The following GDPD4 variants were observed in gnomAD, a reference collection of about 807,000 sequenced individuals.
GDPD4 encodes glycerophosphodiester phosphodiesterase domain containing 4, also known as glycerophosphodiester phosphodiesterase 6.
A neutral mutation model predicts 67.8 loss-of-function variants in GDPD4; 60 were observed. The observed-to-expected ratio is 0.88, with a 90% CI of 0.72 to 1.10. GDPD4 has a LOEUF of 1.10. GDPD4 is among the 50% of genes least tolerant of loss of function. GDPD4 has a pLI of 0.00. For synonymous variants in GDPD4, 212 were observed against 210.9 expected (o/e 1.00, Z -0.04); for missense variants, 623 against 613.9 (o/e 1.01, Z -0.16).
chr11:77,223,497 G>C (rs1006095987), intron 16 of GDPD4, among the ~76,000 whole-genome samples: 1 of 152,104 alleles, frequency 6.6e-6, no homozygotes, highest in Non-Finnish European at 1.5e-5. Context: ...TCCAGACCCT[G>C]TTTGCCTGGG....
chr11:77,277,384 A>C (rs1283780140), intron 4 of GDPD4, among the ~76,000 whole-genome samples: 2 of 74,260 alleles, frequency 2.7e-5, no homozygotes, highest in Non-Finnish European at 6.4e-5. Context: ...CTTTTCAGCC[A>C]TGTTTCCTTT....
chr11:77,296,892 A>G (rs1937986360), intron 1 of GDPD4, among the ~76,000 whole-genome samples: 1 of 150,804 alleles, frequency 6.6e-6, no homozygotes, highest in Non-Finnish European at 1.5e-5. Context: ...CGTCTCTACT[A>G]AAAATACAAA....
Position 77,258,556 on chromosome 11 carries a change from A to G in GDPD4, c.708-14T>C, listed in dbSNP as rs771844771. The G allele has an allele frequency of 6.2e-7, 1 of 1,613,412 alleles. No homozygotes were observed. Among genetic ancestry groups the G allele is most frequent in the Non-Finnish European group, 8.5e-7 (1 of 1,179,392 alleles). On this transcript the variant is annotated splice_polypyrimidine_tract_variant and intron_variant, in intron 10 of 16. Coordinates refer to ENST00000315938, the MANE Select transcript of GDPD4 (RefSeq NM_182833.3). ...ACATGATCATAACTGAGGCAGAGGT[A>G]GAAAAGAAGGGCAGGGGTAGATAGG...
rs1407199482 is a variant in GDPD4 at position 77,269,870 on chromosome 11, C to A, written c.478+13G>T. 2 of 1,469,194 alleles carry A rather than the reference C, an allele frequency of 1.4e-6. No homozygotes were observed. The highest frequency in any genetic ancestry group is 1.9e-6 in the Non-Finnish European group (2 of 1,064,556). 91.0% of individuals were successfully genotyped at this position (1,469,194 alleles called of 1,614,324 possible). A position where few individuals can be genotyped will look rare whatever the true frequency, so the allele number is the denominator to read the frequency against. On this transcript the variant is annotated intron_variant, in intron 8 of 16. Transcript: ENST00000315938. ...GCTTTAGTGACTTTCAAATCTCAGT[C>A]TCCAGCTCTAACCTCTTAACCTTGT...
At position 77,245,341 on chromosome 11, in the gene GDPD4, T is replaced by C. The variant is rs1958759411; in HGVS notation, c.1026A>G (p.Arg342=). The change falls in exon 12 of 17, where the codon AGA becomes AGG. Residue 342 remains arginine (R), a synonymous_variant. Coordinates refer to ENST00000315938, the MANE Select transcript of GDPD4 (RefSeq NM_182833.3). ...LHRPPPKHPL[R]HTFVRQVVSV... ...TTACTACTTGGCGGACAAATGTGTG[T>C]CTGAGAGGATGTTTTGGTGGAGGGC... 6.2e-7 allele frequency: 1 copy of C among 1,614,186 alleles called. No individual in the cohort carries two copies. The highest frequency in any genetic ancestry group is 8.5e-7 in the Non-Finnish European group (1 of 1,180,036).
chr11:77,293,656 T>G (rs1177590765), intron 1 of GDPD4, among the ~76,000 whole-genome samples: 6 of 151,544 alleles, frequency 4.0e-5, no homozygotes, highest in Admixed American at 1.3e-4. Flanking sequence ...GCCATCTAAA[T>G]AGATACATAA....
chr11:77,241,039 G>C (rs1157159267), intron 13 of GDPD4, among the ~76,000 whole-genome samples: 1 of 152,120 alleles, frequency 6.6e-6, no homozygotes, highest in Non-Finnish European at 1.5e-5. Context: ...ACTAAAAATA[G>C]AACTAACATA....
chr11:77,273,792 T>G (rs1231885982), intron 5 of GDPD4, among the ~76,000 whole-genome samples: 1 of 152,182 alleles, frequency 6.6e-6, no homozygotes, highest in East Asian at 1.9e-4. Flanking sequence ...AAAAGATTTA[T>G]TAAGAAAAGG....
At chr11:77,276,361 T>C in intron 4 of GDPD4, 141 bp from the exon 5 acceptor site, 1 of 691,486 alleles carries the variant, frequency 1.4e-6, no homozygotes, top group Non-Finnish European at 2.6e-6. Context: ...ATTTAGCCTC[T>C]GGGAGTTTTC....
intron 13 of GDPD4, 141 bp downstream of exon 13, chr11:77,243,553 G>T: frequency 1.4e-6 from 1 of 721,306 alleles, no homozygotes; most frequent in Non-Finnish European, 2.3e-6. Context: ...GGAAGGGGTA[G>T]GAAAAAGAAA....
chr11:77,294,290 T>C (rs1485303910), intron 1 of GDPD4, among the ~76,000 whole-genome samples: 3 of 152,226 alleles, frequency 2.0e-5, no homozygotes, highest in African/African-American at 7.2e-5. Flanking sequence ...AAGAACTGTC[T>C]GTACTATCTT....
At position 77,252,054 on chromosome 11, in the gene GDPD4, G is replaced by GT. The variant is rs112521564; in HGVS notation, c.864+6331dup. The stretch of plus-strand genomic sequence containing the variant: ...TCCATTTGGGTTTTTTTGTTTGTTT[G>GT]TTTTTTTTTTGTTTTTTTTTTTTTT... On this transcript the variant is annotated intron_variant, in intron 11 of 16. Transcript: ENST00000315938. Among the ~76,000 whole-genome samples, 58 of 42,342 alleles carry GT rather than the reference G, an allele frequency of 1.4e-3. No homozygotes were observed. In the East Asian group the frequency reaches 0.029, roughly 21 times the overall value. 27.8% of individuals were successfully genotyped at this position (42,342 alleles called of 152,430 possible). A position where few individuals can be genotyped will look rare whatever the true frequency, so the allele number is the denominator to read the frequency against.
At chr11:77,233,789 G>A (rs1285010434) in intron 13 of GDPD4, among the ~76,000 whole-genome samples, 1 of 152,056 alleles carries the variant, frequency 6.6e-6, no homozygotes, top group African/African-American at 2.4e-5. Context: ...CATAATGCCA[G>A]GCTCCACAAA....
At chr11:77,227,166 C>T (rs1958358587) in intron 16 of GDPD4, among the ~76,000 whole-genome samples, 1 of 152,206 alleles carries the variant, frequency 6.6e-6, no homozygotes, top group African/African-American at 2.4e-5. Context: ...CTCAAAGAAA[C>T]TCTAGCATCC....
chr11:77,284,871 GACTGAGC>G (rs992803229), intron 3 of GDPD4, among the ~76,000 whole-genome samples: 16 of 152,184 alleles, frequency 1.1e-4, no homozygotes, highest in African/African-American at 3.9e-4. Flanking sequence ...CTAAGTATGA[GACTGAGC>G]ACAGTGGAAG....
intron 10 of GDPD4, among the ~76,000 whole-genome samples, chr11:77,264,856 TTATTTTGAGAAACTGCAGAC>T (rs1401193860): frequency 6.6e-6 from 1 of 151,790 alleles, no homozygotes; most frequent in African/African-American, 2.4e-5. Context: ...TTTGAGCTGG[TTATTTTGAGAAACTGCAGAC>T]ACAGGAGAAG....
chr11:77,223,372 G>T (rs375779381), intron 16 of GDPD4, among the ~76,000 whole-genome samples: 1 of 152,094 alleles, frequency 6.6e-6, no homozygotes, highest in South Asian at 2.1e-4. Flanking sequence ...ATGGGGTTTT[G>T]GTTATGGATG....
At position 77,216,926 on chromosome 11, in the gene GDPD4, A is replaced by C; in HGVS notation, c.*351T>G. The C allele has an allele frequency of 2.9e-6, 2 of 700,980 alleles. No individual in the cohort carries two copies. Among genetic ancestry groups the C allele is most frequent in the Non-Finnish European group, 5.2e-6 (2 of 384,218 alleles). 43.4% of individuals were successfully genotyped at this position (700,980 alleles called of 1,614,324 possible). On this transcript the variant is annotated 3_prime_UTR_variant, in exon 17 of 17. Transcript: ENST00000315938. ...GTATTCAGCCATGGGGATCTCTTAG[A>C]GGTCTCTTATTTAAGGATAGGGGAC...
At chr11:77,238,310 G>A (rs371331746) in intron 13 of GDPD4, among the ~76,000 whole-genome samples, 4 of 152,296 alleles carry the variant, frequency 2.6e-5, no homozygotes, top group South Asian at 4.1e-4. Context: ...TAGGCTGGGC[G>A]TGGTGGCTCA....
Sources: gnomAD v4.1 joint callset for allele counts (sites outside exome capture counted in the v4.1 genomes callset) on GRCh38, gnomAD v4.1.1 for gene constraint, MANE v1.5 for transcripts, NCBI Gene and HGNC (gene_info 2026-07-23, HGNC 2026-07-21) for gene names.